The following SSBP2 variants were observed in gnomAD, a reference collection of about 807,000 sequenced individuals.
The protein encoded by SSBP2 is single stranded DNA binding protein 2, also known as single-stranded DNA-binding protein 2.
A neutral mutation model predicts 61.8 loss-of-function variants in SSBP2; 17 were observed. That is an observed-to-expected ratio of 0.28 (90% CI 0.19 to 0.41). SSBP2 has a LOEUF of 0.41. SSBP2 is among the 10% of genes least tolerant of loss of function. SSBP2 has a pLI of 1.00. For missense variants in SSBP2, 310 were observed against 458.7 expected, an observed-to-expected ratio of 0.68 and a Z score of 2.96; for synonymous variants, 139 against 141.3, an observed-to-expected ratio of 0.98 and a Z score of 0.12.
At position 81,467,029 on chromosome 5, in the gene SSBP2, C is replaced by T. The variant is rs1764938457; in HGVS notation, c.583G>A (p.Ala195Thr). The T allele has an allele frequency of 6.2e-7, 1 of 1,610,402 alleles. No individual in the cohort carries two copies. Among genetic ancestry groups the T allele is most frequent in the African/African-American group, 1.3e-5 (1 of 74,928 alleles). ...AAAGCATTCAGTGGGGGTCTCATTG[C>T]ACCTCCATAGTTCTGTAATGATAAC... Residue 195 changes from alanine to threonine, a missense_variant, in exon 9 of 17, where the codon GCA (alanine) becomes ACA (threonine). Transcript: ENST00000320672.
chr5:81,509,449 C>T (rs1768427620), intron 5 of SSBP2, among the ~76,000 whole-genome samples: 1 of 152,150 alleles, frequency 6.6e-6, no homozygotes, highest in African/African-American at 2.4e-5. Context: ...AGCAGCTACT[C>T]CTCATTAACT....
chr5:81,461,193 A>T, intron 9 of SSBP2, 90 bp from the exon 10 acceptor site: 14 of 1,012,480 alleles, frequency 1.4e-5, no homozygotes, highest in Non-Finnish European at 2.0e-5. Flanking sequence ...AACATTTATA[A>T]TTCAGTTACT....
chr5:81,432,858 G>A (rs7715417), intron 15 of SSBP2, among the ~76,000 whole-genome samples: 15,191 of 148,670 alleles, frequency 0.1, 1,673 homozygotes, highest in African/African-American at 0.28. Flanking sequence ...GGTGAGGGGC[G>A]CCTCTGCCTG....
chr5:81,546,226 CTT>C lies in SSBP2; in HGVS notation c.283-32511_283-32510del, dbSNP rs556932311. The stretch of plus-strand genomic sequence containing the variant: ...AATAAGGAAGCTATGCCACACATAA[CTT>C]TACACAACTTGTCCAAGGCCACATA... On this transcript the variant is annotated intron_variant, in intron 4 of 16. Transcript: ENST00000320672. Among the ~76,000 whole-genome samples the C allele has an allele frequency of 2.5e-4, 38 of 152,296 alleles. No individual in the cohort carries two copies. In the East Asian group the frequency reaches 7.3e-3, roughly 29 times the overall value.
chr5:81,655,578 A>G (rs773200780), intron 1 of SSBP2, among the ~76,000 whole-genome samples: 11 of 152,228 alleles, frequency 7.2e-5, no homozygotes, highest in Non-Finnish European at 1.6e-4. Context: ...CCCGAAATGC[A>G]AAATATATCT....
chr5:81,669,530 T>A (rs1751424145), intron 1 of SSBP2, among the ~76,000 whole-genome samples: 1 of 152,150 alleles, frequency 6.6e-6, no homozygotes, highest in Non-Finnish European at 1.5e-5. Context: ...GAAGCCATCA[T>A]CCTCAGCAAA....
chr5:81,662,806 C>G (rs1339337031), intron 1 of SSBP2, among the ~76,000 whole-genome samples: 1 of 151,930 alleles, frequency 6.6e-6, no homozygotes, highest in East Asian at 1.9e-4. Context: ...ATCTCAAAAA[C>G]AGAAACAAAA....
intron 4 of SSBP2, among the ~76,000 whole-genome samples, chr5:81,540,621 T>C (rs1434671519): frequency 6.6e-6 from 1 of 152,224 alleles, no homozygotes; most frequent in African/African-American, 2.4e-5. Flanking sequence ...TTAAGTTCTT[T>C]GTAGATTCTG....
intron 4 of SSBP2, among the ~76,000 whole-genome samples, chr5:81,529,913 A>G (rs1770265020): frequency 6.6e-6 from 1 of 152,090 alleles, no homozygotes; most frequent in Non-Finnish European, 1.5e-5. Flanking sequence ...GATGATAGTG[A>G]TATTTCTCTG....
intron 15 of SSBP2, among the ~76,000 whole-genome samples, chr5:81,435,420 G>A (rs1460390402): frequency 1.3e-5 from 2 of 152,194 alleles, no homozygotes; most frequent in Non-Finnish European, 2.9e-5. Flanking sequence ...TCCCCATAGT[G>A]CAGAAGGCAA....
intron 1 of SSBP2, among the ~76,000 whole-genome samples, chr5:81,691,928 C>T (rs908720389): frequency 6.6e-6 from 1 of 151,966 alleles, no homozygotes; most frequent in Non-Finnish European, 1.5e-5. Flanking sequence ...AATCAATGTG[C>T]CTTTCCTCTA....
rs767181064 is a variant in SSBP2, at chr5:81,527,866, C to G, written c.283-14149G>C. On this transcript the variant is annotated intron_variant, in intron 4 of 16. Transcript: ENST00000320672. ...CATGTATACTTATGTAACAAACCTACGCGTTCTACGTATGTATCCCAGAAC... is the reference window on the plus strand; with the variant it reads ...CATGTATACTTATGTAACAAACCTAGGCGTTCTACGTATGTATCCCAGAAC... Among the ~76,000 whole-genome samples, 4 of 148,686 alleles carry G rather than the reference C, an allele frequency of 2.7e-5. No individual in the cohort carries two copies. The South Asian group carries it at 8.5e-4, about 31-fold the overall frequency.
chr5:81,650,929 A>G (rs57679797), intron 1 of SSBP2, among the ~76,000 whole-genome samples: 1 of 152,132 alleles, frequency 6.6e-6, no homozygotes, highest in Non-Finnish European at 1.5e-5. Context: ...AACTTTAAAG[A>G]TATCAGATCA....
chr5:81,701,465 C>T (rs1470696904), intron 1 of SSBP2, among the ~76,000 whole-genome samples: 1 of 152,044 alleles, frequency 6.6e-6, no homozygotes, highest in East Asian at 1.9e-4. Context: ...AAAATAATAC[C>T]AACAGACTTG....
intron 4 of SSBP2, among the ~76,000 whole-genome samples, chr5:81,572,553 T>TAAG (rs748198512): frequency 2.0e-5 from 3 of 152,176 alleles, no homozygotes; most frequent in Non-Finnish European, 4.4e-5. Flanking sequence ...TCATTGGTAT[T>TAAG]AAGAATATAG....
intron 1 of SSBP2, among the ~76,000 whole-genome samples, chr5:81,746,218 GT>G (rs1029452199): frequency 1.3e-5 from 2 of 151,872 alleles, no homozygotes; most frequent in Non-Finnish European, 2.9e-5. Flanking sequence ...AAAAATAGGG[GT>G]TTTTTTGATA....
intron 4 of SSBP2, among the ~76,000 whole-genome samples, chr5:81,540,322 T>C (rs1190656757): frequency 6.6e-6 from 1 of 152,178 alleles, no homozygotes; most frequent in Non-Finnish European, 1.5e-5. Flanking sequence ...CGCCACACTG[T>C]CTTCCGCAAT....
intron 1 of SSBP2, among the ~76,000 whole-genome samples, chr5:81,747,343 T>C (rs1285172398): frequency 6.6e-6 from 1 of 152,144 alleles, no homozygotes; most frequent in Non-Finnish European, 1.5e-5. Flanking sequence ...TTTTCTAGCA[T>C]TGTATCCCTC....
At chr5:81,747,025 G>GGA (rs911151705) in intron 1 of SSBP2, among the ~76,000 whole-genome samples, 1 of 141,332 alleles carries the variant, frequency 7.1e-6, no homozygotes, top group Non-Finnish European at 1.6e-5. Context: ...AAATTCCTGG[G>GGA]GGGGGGGGGA....
Sources: allele counts gnomAD v4.1 joint callset (sites outside exome capture counted in the v4.1 genomes callset), GRCh38; gene constraint gnomAD v4.1.1; transcripts MANE v1.5; gene names NCBI Gene and HGNC (gene_info 2026-07-23, HGNC 2026-07-21).